Variants in SPATS2L observed in about 807,000 individuals in gnomAD.
SPATS2L encodes the protein SPATS2-like protein.
Under a neutral mutation model 59.6 loss-of-function variants are expected in SPATS2L, and 30 were observed. The observed-to-expected ratio is 0.50, with a 90% CI of 0.38 to 0.68. The LOEUF is 0.68. Ranked by LOEUF, SPATS2L falls within the 30% of genes least tolerant of loss-of-function variation. The pLI, the probability that SPATS2L is intolerant of heterozygous loss-of-function variation, is 0.00. For missense variants in SPATS2L, 615 were observed against 700.0 expected (o/e 0.88, Z 1.37); for synonymous variants, 252 against 263.5 (o/e 0.96, Z 0.42).
intron 9 of SPATS2L, chr2:200,460,773 T>G (rs1442790385): frequency 1.3e-5 from 2 of 151,510 alleles, no homozygotes; most frequent in African/African-American, 4.9e-5. Flanking sequence ...AATAATAAGA[T>G]TAATAATTCA....
chr2:200,469,633 G>T, intron 10 of SPATS2L: 1 of 309,600 alleles, frequency 3.2e-6, no homozygotes, highest in Non-Finnish European at 6.0e-6. Flanking sequence ...GGAGGGCGAG[G>T]GGTGCTAAAA....
chr2:200,366,644 A>G (rs2081277455), intron 2 of SPATS2L, among the ~76,000 whole-genome samples: 1 of 152,202 alleles, frequency 6.6e-6, no homozygotes, highest in South Asian at 2.1e-4. Flanking sequence ...TAAAAGGAAA[A>G]TGCAAACTAA....
intron 2 of SPATS2L, among the ~76,000 whole-genome samples, chr2:200,340,014 G>C (rs1340604139): frequency 1.3e-5 from 2 of 152,068 alleles, no homozygotes; most frequent in Non-Finnish European, 2.9e-5. Context: ...GGTGACACTT[G>C]TGCCTCCATG....
intron 2 of SPATS2L, among the ~76,000 whole-genome samples, chr2:200,367,889 T>C (rs1045505658): frequency 7.9e-5 from 12 of 152,246 alleles, no homozygotes; most frequent in Non-Finnish European, 1.6e-4. Context: ...AGTTGTAGTT[T>C]ATAAACAATG....
At chr2:200,306,186 C>A (rs2079006381), upstream of SPATS2L, 7 of 1,001,162 alleles carry the variant, frequency 7.0e-6, no homozygotes, top group Non-Finnish European at 8.4e-6. Flanking sequence ...GCTATCTTTG[C>A]TTACATTTTG....
chr2:200,318,095 T>C (rs1460757848), intron 1 of SPATS2L, among the ~76,000 whole-genome samples: 1 of 152,170 alleles, frequency 6.6e-6, no homozygotes, highest in Non-Finnish European at 1.5e-5. Flanking sequence ...GAAAACCCAT[T>C]TGTTGAAGTG....
chr2:200,345,137 T>C (rs964021637), intron 2 of SPATS2L, among the ~76,000 whole-genome samples: 2 of 152,356 alleles, frequency 1.3e-5, no homozygotes, highest in Admixed American at 1.3e-4. Context: ...CATCATGAAA[T>C]CTTTGCCCAT....
chr2:200,363,120 G>A (rs759150350), intron 2 of SPATS2L, among the ~76,000 whole-genome samples: 5 of 151,980 alleles, frequency 3.3e-5, no homozygotes, highest in Non-Finnish European at 7.4e-5. Context: ...TCTCTGAAAG[G>A]GGCAGTAATG....
chr2:200,439,732 G>A (rs1209081953), intron 7 of SPATS2L, among the ~76,000 whole-genome samples: 1 of 152,184 alleles, frequency 6.6e-6, no homozygotes, highest in Non-Finnish European at 1.5e-5. Flanking sequence ...GAGTCTGGAG[G>A]CTGGTATATG....
intron 2 of SPATS2L, among the ~76,000 whole-genome samples, chr2:200,366,729 CCTAA>C (rs1255032744): frequency 6.6e-6 from 1 of 152,142 alleles, no homozygotes; most frequent in Non-Finnish European, 1.5e-5. Context: ...TTAGCTAACT[CCTAA>C]CTAATGGAGG....
chr2:200,399,430 C>A (rs775256177), intron 3 of SPATS2L, among the ~76,000 whole-genome samples: 1 of 152,152 alleles, frequency 6.6e-6, no homozygotes, highest in Non-Finnish European at 1.5e-5. Context: ...AAATAATATT[C>A]CACTGTGTAT....
Position 200,478,044 on chromosome 2 carries a change from A to C in SPATS2L, c.*13A>C. The C allele has an allele frequency of 6.5e-6, 10 of 1,527,222 alleles. No homozygotes were observed. The highest frequency in any genetic ancestry group is 8.8e-6 in the Non-Finnish European group (10 of 1,139,190). 94.6% of individuals were successfully genotyped at this position (1,527,222 alleles called of 1,614,324 possible). A position where few individuals can be genotyped will look rare whatever the true frequency, so the allele number is the denominator to read the frequency against. On this transcript the variant is annotated 3_prime_UTR_variant, in exon 13 of 13. Transcript: ENST00000409140. Reference sequence around the variant, plus strand: ...GTTGGTGGCCTGAGCTAGGAGGAAAAAGAGCAGTTTTCACTCAGTTTTGGT... The same window carrying C: ...GTTGGTGGCCTGAGCTAGGAGGAAACAGAGCAGTTTTCACTCAGTTTTGGT...
chr2:200,381,591 C>T (rs2081813601), intron 2 of SPATS2L, among the ~76,000 whole-genome samples: 1 of 152,228 alleles, frequency 6.6e-6, no homozygotes, highest in South Asian at 2.1e-4. Flanking sequence ...GATAGTGCGC[C>T]TTCTTCCAGA....
chr2:200,391,873 G>A (rs532936442), intron 3 of SPATS2L, among the ~76,000 whole-genome samples: 1 of 152,244 alleles, frequency 6.6e-6, no homozygotes, highest in African/African-American at 2.4e-5. Context: ...AGACACAGAA[G>A]GACTAATGTG....
rs5837744 is a variant in SPATS2L, at chr2:200,480,338, CTT to C, written c.*2323_*2324del. The C allele has an allele frequency of 2.7e-5, 3 of 109,786 alleles. No individual in the cohort carries two copies. The highest frequency in any genetic ancestry group is 3.7e-5 in the African/African-American group (1 of 26,996). 6.8% of individuals were successfully genotyped at this position (109,786 alleles called of 1,614,324 possible). ...ATCACATTTTTTCCAATATTTTTTC[CTT>C]TTTTTTTTTTTTTTTGAGACAGGGT... On this transcript the variant is annotated 3_prime_UTR_variant, in exon 13 of 13. Coordinates refer to ENST00000409140, the MANE Select transcript of SPATS2L (RefSeq NM_001100423.2).
chr2:200,346,543 A>G (rs1191993038), intron 2 of SPATS2L, among the ~76,000 whole-genome samples: 2 of 152,060 alleles, frequency 1.3e-5, no homozygotes, highest in African/African-American at 4.8e-5. Flanking sequence ...CCAATAAACT[A>G]TTGTTTTTTT....
intron 6 of SPATS2L, among the ~76,000 whole-genome samples, chr2:200,432,045 T>C (rs1222976038): frequency 6.6e-6 from 1 of 152,182 alleles, no homozygotes; most frequent in African/African-American, 2.4e-5. Context: ...GCAAAGCATA[T>C]CAAGAACTTT....
At chr2:200,474,576 T>C (rs188932429) in intron 12 of SPATS2L, among the ~76,000 whole-genome samples, 136 of 152,308 alleles carry the variant, frequency 8.9e-4, no homozygotes, top group African/African-American at 3.2e-3. Context: ...GTGCTGAGAT[T>C]ACAGGCATGA....
intron 2 of SPATS2L, among the ~76,000 whole-genome samples, chr2:200,363,328 G>A (rs1171605585): frequency 6.6e-6 from 1 of 151,770 alleles, no homozygotes; most frequent in Non-Finnish European, 1.5e-5. Context: ...ACTCTATCGG[G>A]GACTTGTGTG....
Sources: allele counts gnomAD v4.1 joint callset (sites outside exome capture counted in the v4.1 genomes callset), GRCh38; gene constraint gnomAD v4.1.1; transcripts MANE v1.5; gene names NCBI Gene and HGNC (gene_info 2026-07-23, HGNC 2026-07-21).